Variants in SLC41A2 observed in about 807,000 individuals in gnomAD.
SLC41A2 encodes solute carrier family 41 member 2.
In SLC41A2, 32 loss-of-function variants were observed where a neutral mutation model predicts 58.3. That is an observed-to-expected ratio of 0.55 (90% CI 0.41 to 0.74). SLC41A2 has a LOEUF of 0.74. Ranked by LOEUF, SLC41A2 falls within the 30% of genes least tolerant of loss-of-function variation. SLC41A2 has a pLI of 0.00. For synonymous variants in SLC41A2, 190 were observed against 235.0 expected, an observed-to-expected ratio of 0.81 and a Z score of 1.75; for missense variants, 514 against 680.6, an observed-to-expected ratio of 0.76 and a Z score of 2.72.
rs1271948219 is a variant in SLC41A2, at chr12:104,801,962, T to C, written c.*3190A>G. ...ATTATTTCTTAAATTTTATTCTTTA[T>C]TTGAGTTTAAAACAATTCGAAGATG... On this transcript the variant is annotated 3_prime_UTR_variant, in exon 11 of 11. Transcript: ENST00000258538. Among the ~76,000 whole-genome samples the C allele has an allele frequency of 6.6e-6, 1 of 151,552 alleles. No homozygotes were observed. Among genetic ancestry groups the C allele is most frequent in the East Asian group, 2.1e-4 (1 of 4,834 alleles).
At chr12:104,873,150 G>A (rs950839805) in intron 6 of SLC41A2, among the ~76,000 whole-genome samples, 3 of 151,862 alleles carry the variant, frequency 2.0e-5, no homozygotes, top group Admixed American at 2.0e-4. Flanking sequence ...TGTAGTCTTT[G>A]ATCTACATCT....
At chr12:104,948,230 G>A (rs538231325) in intron 1 of SLC41A2, among the ~76,000 whole-genome samples, 8 of 151,972 alleles carry the variant, frequency 5.3e-5, no homozygotes, top group South Asian at 2.1e-4. Flanking sequence ...GGATAATGAC[G>A]AAAAAAATGT....
At chr12:104,914,932 G>A (rs2046246806) in intron 2 of SLC41A2, among the ~76,000 whole-genome samples, 1 of 152,310 alleles carries the variant, frequency 6.6e-6, no homozygotes, top group Middle Eastern at 3.4e-3. Context: ...TCCAGAGAGG[G>A]AATGCTGAAG....
rs923673672 is a variant in SLC41A2 at position 104,854,520 on chromosome 12, G to A, written c.1255+6771C>T. Among the ~76,000 whole-genome samples the A allele has an allele frequency of 7.3e-5, 11 of 150,350 alleles. No individual in the cohort carries two copies. In the South Asian group the frequency reaches 2.1e-3, roughly 29 times the overall value. On this transcript the variant is annotated intron_variant, in intron 8 of 10. Transcript: ENST00000258538. ...GGAGCTTGCAGTGAGCCGAGATCGC[G>A]CCACTGCAGTCCAGCCTGGGCGAAA...
rs184797906 is a variant in SLC41A2 at position 104,937,787 on chromosome 12, T to G, written c.-167-9093A>C. 2.1e-3 allele frequency among the ~76,000 whole-genome samples: 322 copies of G among 152,302 alleles called. 1 individual carries two copies. Among genetic ancestry groups the G allele is most frequent in the African/African-American group, 7.3e-3 (303 of 41,564 alleles). On this transcript the variant is annotated intron_variant, in intron 1 of 10. Transcript: ENST00000258538. ...CAACTCAACCTCCTGAATCAAAGTC[T>G]GTACTTTAAATGGTATCCCAAAGGA...
intron 10 of SLC41A2, among the ~76,000 whole-genome samples, chr12:104,821,123 T>G (rs976111421): frequency 1.3e-5 from 2 of 152,244 alleles, no homozygotes; most frequent in South Asian, 4.1e-4. Flanking sequence ...CTGTATTTCT[T>G]GAAATGTAAT....
intron 6 of SLC41A2, among the ~76,000 whole-genome samples, chr12:104,867,655 AT>A (rs2043537160): frequency 6.6e-6 from 1 of 151,840 alleles, no homozygotes; most frequent in Admixed American, 6.6e-5. Flanking sequence ...ATAAACAATT[AT>A]TATAGATATT....
At position 104,828,508 on chromosome 12, in the gene SLC41A2, C is replaced by T. The variant is rs187937754; in HGVS notation, c.1536+15964G>A. Reference sequence around the variant, plus strand: ...AACTAAAAGAGCACCCTGTAACACACGCCCACTGGTGCTTCAGCTGTAAAC... The same window carrying T: ...AACTAAAAGAGCACCCTGTAACACATGCCCACTGGTGCTTCAGCTGTAAAC... On this transcript the variant is annotated intron_variant, in intron 10 of 10. Transcript: ENST00000258538. Among the ~76,000 whole-genome samples, 592 of 152,246 alleles carry T rather than the reference C, an allele frequency of 3.9e-3. 2 individuals carry two copies. Among genetic ancestry groups the T allele is most frequent in the Non-Finnish European group, 5.3e-3 (358 of 68,014 alleles).
intron 1 of SLC41A2, among the ~76,000 whole-genome samples, chr12:104,944,205 T>C (rs570028171): frequency 3.6e-4 from 55 of 152,344 alleles, no homozygotes; most frequent in African/African-American, 1.2e-3. Flanking sequence ...CTCTTTCCCC[T>C]ATCCCCAGAG....
intron 1 of SLC41A2, among the ~76,000 whole-genome samples, chr12:104,955,381 T>G (rs867548084): frequency 5.9e-5 from 9 of 152,134 alleles, no homozygotes; most frequent in African/African-American, 1.9e-4. Flanking sequence ...TTCCTCAGCT[T>G]CCACTGTCCC....
chr12:104,850,034 G>A (rs905567878), intron 8 of SLC41A2, among the ~76,000 whole-genome samples: 2 of 152,086 alleles, frequency 1.3e-5, no homozygotes, highest in African/African-American at 2.4e-5. Flanking sequence ...GAATACACTG[G>A]TGCAGGAGAT....
intron 10 of SLC41A2, among the ~76,000 whole-genome samples, chr12:104,825,765 C>G (rs2041820051): frequency 6.6e-6 from 1 of 152,148 alleles, no homozygotes; most frequent in African/African-American, 2.4e-5. Flanking sequence ...GATTCAAAGC[C>G]AGGCAATAGG....
At chr12:104,861,848 G>A (rs146706466) in intron 7 of SLC41A2, among the ~76,000 whole-genome samples, 1 of 152,078 alleles carries the variant, frequency 6.6e-6, no homozygotes, top group African/African-American at 2.4e-5. Context: ...TATTTTTATT[G>A]TATTAAAACT....
chr12:104,891,332 AAAGG>A (rs2044956321), intron 4 of SLC41A2, among the ~76,000 whole-genome samples: 1 of 152,082 alleles, frequency 6.6e-6, no homozygotes, highest in Non-Finnish European at 1.5e-5. Flanking sequence ...AGAGGATGAT[AAAGG>A]AAAAGTGAAG....
In SLC41A2 at chr12:104,958,163, G is replaced by A. The variant is rs75254888; in HGVS notation, c.-243C>T. The A allele has an allele frequency of 0.041, 6,171 of 152,246 alleles. 178 individuals are homozygous for A. Among genetic ancestry groups the A allele is most frequent in the East Asian group, 0.11 (576 of 5,174 alleles). 9.4% of individuals were successfully genotyped at this position (152,246 alleles called of 1,614,324 possible). On this transcript the variant is annotated 5_prime_UTR_variant, in exon 1 of 11. Transcript: ENST00000258538. ...CTCCTCAGACCAGACCGAGACACCAGGGGCGGGGGATGGAAGGGGCATTCA... is the reference window on the plus strand; with the variant it reads ...CTCCTCAGACCAGACCGAGACACCAAGGGCGGGGGATGGAAGGGGCATTCA...
chr12:104,838,814 C>T (rs1409876343), intron 10 of SLC41A2, among the ~76,000 whole-genome samples: 1 of 152,104 alleles, frequency 6.6e-6, no homozygotes, highest in African/African-American at 2.4e-5. Context: ...TAATCTACAG[C>T]TAAGAGAAGA....
intron 10 of SLC41A2, among the ~76,000 whole-genome samples, chr12:104,822,729 G>C (rs1036916406): frequency 6.6e-6 from 1 of 151,964 alleles, no homozygotes; most frequent in Non-Finnish European, 1.5e-5. Flanking sequence ...GATTTAGAAA[G>C]ATAATTTTGA....
intron 2 of SLC41A2, among the ~76,000 whole-genome samples, chr12:104,918,271 C>CT (rs2046423215): frequency 6.6e-6 from 1 of 151,986 alleles, no homozygotes; most frequent in Non-Finnish European, 1.5e-5. Flanking sequence ...AATTTTGACT[C>CT]AGAATTCTAC....
At chr12:104,912,538 C>T (rs902915561) in intron 2 of SLC41A2, among the ~76,000 whole-genome samples, 3 of 152,184 alleles carry the variant, frequency 2.0e-5, no homozygotes, top group Admixed American at 1.3e-4. Flanking sequence ...AGGGAGCACA[C>T]AGGGAGGGCA....
Sources: gnomAD v4.1 joint callset for allele counts (sites outside exome capture counted in the v4.1 genomes callset) on GRCh38, gnomAD v4.1.1 for gene constraint, MANE v1.5 for transcripts, NCBI Gene and HGNC (gene_info 2026-07-23, HGNC 2026-07-21) for gene names.